Variants in CLCN1 observed in about 807,000 individuals in gnomAD.
CLCN1 encodes the protein chloride voltage-gated channel 1.
Under a neutral mutation model 114.5 loss-of-function variants are expected in CLCN1, and 100 were observed. The observed-to-expected ratio is 0.87, with a 90% CI of 0.74 to 1.03. The LOEUF (loss-of-function observed/expected upper bound fraction) is 1.03, where lower values mean the gene tolerates loss of function less well. CLCN1 is among the 50% of genes least tolerant of loss of function. The pLI, the probability that CLCN1 is intolerant of heterozygous loss-of-function variation, is 0.00. For missense variants in CLCN1, 1,188 were observed against 1,250.0 expected, an observed-to-expected ratio of 0.95 and a Z score of 0.75; for synonymous variants, 485 against 487.1, an observed-to-expected ratio of 1.00 and a Z score of 0.06.
intron 20 of CLCN1, among the ~76,000 whole-genome samples, chr7:143,347,393 G>C (rs1156973634): frequency 6.6e-6 from 1 of 151,884 alleles, no homozygotes; most frequent in Admixed American, 6.6e-5. Context: ...GGCCAAGGCA[G>C]GCAGATCACC....
chr7:143,327,134 T>G (rs559179631), intron 7 of CLCN1, among the ~76,000 whole-genome samples: 3 of 151,912 alleles, frequency 2.0e-5, no homozygotes, highest in Non-Finnish European at 4.4e-5. Context: ...TAGTCCCAGC[T>G]ACTTGGGAGG....
At chr7:143,331,090 CG>C (rs1219500989) in intron 8 of CLCN1, 141 bp from the exon 9 acceptor site, 36 of 1,057,288 alleles carry the variant, frequency 3.4e-5, no homozygotes, top group Non-Finnish European at 5.3e-5. Context: ...GAGGAGTGTG[CG>C]TAGAAAAAAG....
chr7:143,337,053 T>C (rs1802923049), intron 12 of CLCN1, among the ~76,000 whole-genome samples: 1 of 152,220 alleles, frequency 6.6e-6, no homozygotes, highest in Admixed American at 6.5e-5. Context: ...TATAGCCCTA[T>C]CTGCAGACAA....
intron 16 of CLCN1, 85 bp downstream of exon 16, chr7:143,342,590 C>CT: frequency 6.9e-7 from 1 of 1,449,448 alleles, no homozygotes; most frequent in Admixed American, 1.8e-5. Context: ...ATGGTGGGGG[C>CT]TTTGTCTTTA....
intron 1 of CLCN1, among the ~76,000 whole-genome samples, chr7:143,319,442 C>T (rs1027091681): frequency 2.6e-5 from 4 of 152,178 alleles, no homozygotes; most frequent in East Asian, 1.9e-4. Context: ...CTGGGTTCAG[C>T]ACAGTTCTGT....
chr7:143,329,922 C>T (rs1401674563), intron 7 of CLCN1, among the ~76,000 whole-genome samples: 7 of 152,088 alleles, frequency 4.6e-5, no homozygotes, highest in Non-Finnish European at 1.0e-4. Context: ...GCTTTTTACG[C>T]CCTCACTCGC....
chr7:143,319,266 AAGGCT>A (rs1339291552), intron 1 of CLCN1, among the ~76,000 whole-genome samples: 2 of 152,198 alleles, frequency 1.3e-5, no homozygotes, highest in East Asian at 3.8e-4. Flanking sequence ...TGCCTCAGGT[AAGGCT>A]AGACACACCA....
chr7:143,331,573 G>A lies in CLCN1; in HGVS notation c.1087G>A (p.Ala363Thr). The change falls in exon 10 of 23, where the codon GCT becomes ACT. Residue 363 changes from alanine (A) to threonine (T), a missense_variant. By Grantham distance (58) the Ala-to-Thr change is moderately conservative (BLOSUM62 0). Coordinates refer to ENST00000343257, the MANE Select transcript of CLCN1 (RefSeq NM_000083.3). ...CAGGATTTGCTGTGGGCTCCTGGGA[G>A]CTGTATTTGTGTATCTGCATCGCCA... ...AIGICCGLLG[A>T]VFVYLHRQVM... The A allele has an allele frequency of 6.2e-7, 1 of 1,613,970 alleles. No individual in the cohort carries two copies. Among genetic ancestry groups the A allele is most frequent in the Non-Finnish European group, 8.5e-7 (1 of 1,179,834 alleles).
intron 1 of CLCN1, among the ~76,000 whole-genome samples, chr7:143,319,525 A>G (rs1057010372): frequency 2.0e-5 from 3 of 152,182 alleles, no homozygotes; most frequent in Non-Finnish European, 2.9e-5. Flanking sequence ...CAGGTTGGAG[A>G]ATGGGTGTAG....
chr7:143,330,911 C>T lies in CLCN1; in HGVS notation c.979+14C>T. On this transcript the variant is annotated intron_variant, in intron 8 of 22. Transcript: ENST00000343257. ...ACAAGGATGCTGGTAACCAAGGAGG[C>T]CTTGGGTGGAGGCCATGTGAAATAG... 1 of 1,614,072 alleles carries T rather than the reference C, an allele frequency of 6.2e-7. No individual in the cohort carries two copies. The highest frequency in any genetic ancestry group is 8.5e-7 in the Non-Finnish European group (1 of 1,180,022).
At position 143,319,833 on chromosome 7, in the gene CLCN1, A is replaced by T. The variant is rs1394098762; in HGVS notation, c.259A>T (p.Thr87Ser). The T allele has an allele frequency of 2.5e-6, 4 of 1,613,782 alleles. No individual in the cohort carries two copies. The highest frequency in any genetic ancestry group is 2.5e-6 in the Non-Finnish European group (3 of 1,179,804). Residue 87 changes from threonine (T) to serine (S), a missense_variant, in exon 2 of 23, where the codon ACC becomes TCC. Thr to Ser is a moderately conservative substitution (Grantham distance 58). Coordinates refer to ENST00000343257, the MANE Select transcript of CLCN1 (RefSeq NM_000083.3). ...GCCCAAGAAGACAGGCTCCAGTTCT[A>T]CCGTGGACAGCAAGGATGAGGATCA... Reference protein sequence around the residue: ...GMPKKTGSSSTVDSKDEDHYS... With the variant: ...GMPKKTGSSSSVDSKDEDHYS...
intron 14 of CLCN1, among the ~76,000 whole-genome samples, chr7:143,340,758 C>T (rs1225806776): frequency 2.0e-5 from 3 of 152,290 alleles, no homozygotes; most frequent in Middle Eastern, 3.4e-3. Flanking sequence ...GTCTCAAACT[C>T]CTGGCCTCAA....
chr7:143,320,103 CT>C (rs1802385872), intron 2 of CLCN1, among the ~76,000 whole-genome samples: 1 of 152,208 alleles, frequency 6.6e-6, no homozygotes, highest in African/African-American at 2.4e-5. Context: ...ATCCTCCTGC[CT>C]CAGCCTCTCC....
In CLCN1 at chr7:143,320,764, C is replaced by T. The variant is rs748875679; in HGVS notation, c.402C>T (p.Ser134=). ...LGLLMALVSW[S]MDYVSAKSLQ... ...TGCTGATGGCTCTGGTCAGCTGGAG[C>T]ATGGACTACGTCAGTGCCAAAAGCC... Residue 134 remains serine (S), a synonymous_variant, in exon 3 of 23, where the codon AGC becomes AGT. Transcript: ENST00000343257. 6.2e-7 allele frequency: 1 copy of T among 1,613,842 alleles called. No homozygotes were observed. Among genetic ancestry groups the T allele is most frequent in the East Asian group, 2.2e-5 (1 of 44,868 alleles).
intron 10 of CLCN1, 113 bp from the exon 11 acceptor site, chr7:143,332,306 T>G: frequency 1.2e-6 from 1 of 869,034 alleles, no homozygotes; most frequent in Non-Finnish European, 2.0e-6. Flanking sequence ...ATCTTTTTCA[T>G]TTAAAGAAAT....
intron 7 of CLCN1, among the ~76,000 whole-genome samples, chr7:143,325,573 G>C: frequency 6.6e-6 from 1 of 152,186 alleles, no homozygotes; most frequent in East Asian, 1.9e-4. Flanking sequence ...AGTGTATTTG[G>C]ATTTTTGCAC....
intron 16 of CLCN1, among the ~76,000 whole-genome samples, chr7:143,345,149 C>A (rs1436589818): frequency 1.3e-5 from 2 of 152,202 alleles, no homozygotes; most frequent in African/African-American, 4.8e-5. Context: ...TTATAGACTT[C>A]TTTCAAAGCG....
chr7:143,331,191 T>C, intron 8 of CLCN1, 41 bp from the exon 9 acceptor site: 1 of 1,425,850 alleles, frequency 7.0e-7, no homozygotes, highest in Non-Finnish European at 9.9e-7. Context: ...GTTGGGTTTC[T>C]ACGAAGCTCC....
rs141100085 is a variant in CLCN1 at position 143,337,707 on chromosome 7, C to T, written c.1402-1546C>T. ...ACTTATTTTGGAAGGGATATATAAA[C>T]CTGTTGCTTTGCTTACATATGACAT... On this transcript the variant is annotated intron_variant, in intron 12 of 22. Transcript: ENST00000343257. Among the ~76,000 whole-genome samples the T allele has an allele frequency of 2.4e-4, 36 of 150,790 alleles. No homozygotes were observed. The East Asian group carries it at 6.9e-3, about 29-fold the overall frequency.
Sources: allele counts gnomAD v4.1 joint callset (sites outside exome capture counted in the v4.1 genomes callset), GRCh38; gene constraint gnomAD v4.1.1; transcripts MANE v1.5; gene names NCBI Gene and HGNC (gene_info 2026-07-23, HGNC 2026-07-21).